Variants in DOCK9 observed in about 807,000 individuals in gnomAD.
DOCK9 encodes dedicator of cytokinesis protein 9.
DOCK9 carries 89 observed loss-of-function variants against 263.3 expected under a neutral mutation model. The observed-to-expected ratio is 0.34, with a 90% CI of 0.28 to 0.40. The LOEUF is 0.40. Among genes scored for constraint, DOCK9 ranks in the 10% least tolerant of loss-of-function variants. The pLI is 1.00. For synonymous variants in DOCK9, 976 were observed against 973.1 expected, an observed-to-expected ratio of 1.00 and a Z score of -0.06; for missense variants, 2,140 against 2,603.4, an observed-to-expected ratio of 0.82 and a Z score of 3.87.
rs180908018 is a variant in DOCK9, at chr13:98,848,009, C to T, written c.4061+583G>A. Among the ~76,000 whole-genome samples the T allele has an allele frequency of 1.7e-3, 254 of 152,312 alleles. 1 individual carries two copies. Among genetic ancestry groups the T allele is most frequent in the African/African-American group, 5.5e-3 (227 of 41,584 alleles). ...TCTGCACAGGAAAGTGGGAGTGACG[C>T]TACTCACCAGGGAGTTCTGGCCAAG... On this transcript the variant is annotated intron_variant, in intron 37 of 52. Transcript: ENST00000682017.
chr13:98,944,435 A>T (rs532722030), intron 2 of DOCK9, among the ~76,000 whole-genome samples: 2 of 151,976 alleles, frequency 1.3e-5, no homozygotes, highest in African/African-American at 4.8e-5. Context: ...GAAAAAAAAA[A>T]TAAAGAAAAT....
chr13:98,979,242 G>GGCGGCGGCGGCGGCA (rs55651915), upstream of DOCK9, among the ~76,000 whole-genome samples: 135 of 136,216 alleles, frequency 9.9e-4, 3 homozygotes, highest in African/African-American at 2.5e-3. Flanking sequence ...CAGCAGCGGC[G>GGCGGCGGCGGCGGCA]GCAGCAGCAG....
At chr13:99,031,192 G>A (rs1198281533) in intron 1 of DOCK9, among the ~76,000 whole-genome samples, 1 of 151,920 alleles carries the variant, frequency 6.6e-6, no homozygotes, top group African/African-American at 2.4e-5. Flanking sequence ...ATTATTTTCT[G>A]CAATAGAATC....
At chr13:98,810,102 C>T in intron 46 of DOCK9, 67 bp downstream of exon 46, 2 of 1,600,206 alleles carry the variant, frequency 1.2e-6, no homozygotes, top group South Asian at 1.1e-5. Flanking sequence ...CACATATATG[C>T]AGGTCTGGGT....
chr13:98,893,032 T>C (rs1371145821), intron 15 of DOCK9, among the ~76,000 whole-genome samples: 1 of 152,016 alleles, frequency 6.6e-6, no homozygotes, highest in African/African-American at 2.4e-5. Context: ...AAAGGGGAAG[T>C]GTGTATGCTG....
chr13:98,829,516 T>A lies in DOCK9; in HGVS notation c.4756A>T (p.Ser1586Cys). The part of the protein sequence containing the change: ...ANSDRLIKHT[S>C]FSSDVKDLTK... ...AAGTCCTTCACATCAGAGGAGAAGC[T>A]GGTGTGCTAAAACAAGGGTGGAAGA... Residue 1586 changes from serine to cysteine, a missense_variant, in exon 43 of 53, where the codon AGC becomes TGC. Coordinates refer to ENST00000682017, the MANE Select transcript of DOCK9 (RefSeq NM_001366683.2). This position sits in a 1 kb window ranked among gnomAD's most constrained non-coding sequence, Gnocchi z 4.1. 1 of 1,612,324 alleles carries A rather than the reference T, an allele frequency of 6.2e-7. No individual in the cohort carries two copies. Among genetic ancestry groups the A allele is most frequent in the Non-Finnish European group, 8.5e-7 (1 of 1,179,182 alleles).
In DOCK9 at chr13:98,805,014, G is replaced by A. The variant is rs373489385; in HGVS notation, c.5710C>T (p.Arg1904Cys). The A allele has an allele frequency of 1.2e-5, 19 of 1,605,186 alleles. No homozygotes were observed. The highest frequency in any genetic ancestry group is 1.6e-5 in the Non-Finnish European group (19 of 1,176,096). ...QGGVEEQCKR[R>C]TILTAIHCFP... ...GGGCCCATACCTGTCAGGATGGTGC[G>A]CCGTTTGCACTGCTCTTCCACCCCG... Residue 1904 changes from arginine (R) to cysteine (C), a missense_variant, in exon 49 of 53, where the codon CGC becomes TGC. Around this residue, in one of 2 missense-constraint regions of DOCK9, gnomAD observed 619 missense variants for 861.8 expected, o/e 0.72. Transcript: ENST00000682017.
At chr13:98,895,784 T>C (rs2139244236) in intron 15 of DOCK9, among the ~76,000 whole-genome samples, 1 of 152,324 alleles carries the variant, frequency 6.6e-6, no homozygotes, top group Non-Finnish European at 1.5e-5. Flanking sequence ...ATGTATTATG[T>C]TTGTAAACTA....
At chr13:98,931,080 G>A (rs1180660166) in intron 2 of DOCK9, among the ~76,000 whole-genome samples, 1 of 152,166 alleles carries the variant, frequency 6.6e-6, no homozygotes, top group Non-Finnish European at 1.5e-5. Context: ...TAAGAGCATA[G>A]ATAACTAGAC....
At chr13:98,889,065 C>T (rs1002312390) in intron 15 of DOCK9, among the ~76,000 whole-genome samples, 1 of 152,210 alleles carries the variant, frequency 6.6e-6, no homozygotes, top group African/African-American at 2.4e-5. Context: ...CTGCGCACTA[C>T]ACAGTACAGG....
chr13:99,043,955 G>A (rs918588175), intron 1 of DOCK9, among the ~76,000 whole-genome samples: 10 of 152,090 alleles, frequency 6.6e-5, no homozygotes, highest in African/African-American at 1.7e-4. Flanking sequence ...GGCACCAGAG[G>A]CCTCTAATAA....
chr13:98,935,629 G>A (rs1444730273), intron 2 of DOCK9, among the ~76,000 whole-genome samples: 8 of 152,176 alleles, frequency 5.3e-5, no homozygotes, highest in African/African-American at 1.7e-4. Flanking sequence ...ATCAGGCAGC[G>A]TGATGGCGCA....
chr13:99,031,412 G>C (rs1566327827), intron 1 of DOCK9, among the ~76,000 whole-genome samples: 1 of 152,148 alleles, frequency 6.6e-6, no homozygotes, highest in Non-Finnish European at 1.5e-5. Flanking sequence ...CAAAGTCCCT[G>C]CTCCTTCCAG....
At chr13:98,930,551 C>A (rs1440289942) in intron 2 of DOCK9, among the ~76,000 whole-genome samples, 2 of 152,228 alleles carry the variant, frequency 1.3e-5, no homozygotes, top group Admixed American at 6.5e-5. Context: ...CCCTAACACC[C>A]CACCCCTAAG....
At chr13:98,960,855 T>C (rs2058554131) in intron 1 of DOCK9, among the ~76,000 whole-genome samples, 1 of 152,210 alleles carries the variant, frequency 6.6e-6, no homozygotes, top group African/African-American at 2.4e-5. Context: ...AATTTTCAGT[T>C]TCAGGGAGGA....
At chr13:98,800,555 T>C in intron 49 of DOCK9, 77 bp from the exon 50 acceptor site, 1 of 1,489,702 alleles carries the variant, frequency 6.7e-7, no homozygotes, top group East Asian at 2.3e-5. Context: ...TTATTAGAAG[T>C]GATTATTATA....
chr13:98,800,583 C>T (rs2090002566), intron 49 of DOCK9, 105 bp from the exon 50 acceptor site: 1 of 1,336,698 alleles, frequency 7.5e-7, no homozygotes, highest in African/African-American at 1.5e-5. Context: ...TTATTACTTA[C>T]ATTTTTAAAA....
intron 1 of DOCK9, among the ~76,000 whole-genome samples, chr13:99,081,227 A>G (rs565682625): frequency 4.5e-4 from 68 of 152,280 alleles, no homozygotes; most frequent in African/African-American, 1.6e-3. Flanking sequence ...CTTACTTGAG[A>G]ATTTCAAAGA....
chr13:98,924,624 A>C (rs1448501870), intron 4 of DOCK9, among the ~76,000 whole-genome samples: 1 of 152,208 alleles, frequency 6.6e-6, no homozygotes, highest in Non-Finnish European at 1.5e-5. Flanking sequence ...TGCTGTTCTC[A>C]CAGTAATGAG....
Sources: gnomAD v4.1 joint callset for allele counts (sites outside exome capture counted in the v4.1 genomes callset) on GRCh38, gnomAD v4.1.1 for gene constraint, gnomAD v4.1.1 regional missense constraint, Gnocchi (gnomAD v3.1) non-coding constraint, MANE v1.5 for transcripts, NCBI Gene and HGNC (gene_info 2026-07-23, HGNC 2026-07-21) for gene names.